PHTF2: variants seen among roughly 807,000 people sequenced by gnomAD.
The protein encoded by PHTF2 is protein PHTF2.
A neutral mutation model predicts 101.2 loss-of-function variants in PHTF2; 60 were observed. The observed-to-expected ratio is 0.59, with a 90% CI of 0.48 to 0.73. The LOEUF (loss-of-function observed/expected upper bound fraction) is 0.73, where lower values mean the gene tolerates loss of function less well. Ranked by LOEUF, PHTF2 falls within the 30% of genes least tolerant of loss-of-function variation. PHTF2 has a pLI of 0.00. For synonymous variants in PHTF2, 311 were observed against 307.3 expected (o/e 1.01, Z -0.13); for missense variants, 747 against 908.7 (o/e 0.82, Z 2.29).
At chr7:77,831,288 G>T (rs1004718089) in intron 1 of PHTF2, among the ~76,000 whole-genome samples, 2 of 152,270 alleles carry the variant, frequency 1.3e-5, no homozygotes, top group African/African-American at 4.8e-5. Flanking sequence ...ACTTCATCAA[G>T]TGTGTCTGCA....
At chr7:77,913,891 C>T (rs1429502611) in intron 9 of PHTF2, among the ~76,000 whole-genome samples, 2 of 151,860 alleles carry the variant, frequency 1.3e-5, no homozygotes, top group East Asian at 1.9e-4. Flanking sequence ...CTCTAAATCA[C>T]CAGGTCAAAT....
chr7:77,916,257 C>G (rs1049989687), intron 9 of PHTF2, among the ~76,000 whole-genome samples: 2 of 152,280 alleles, frequency 1.3e-5, no homozygotes, highest in East Asian at 3.9e-4. Flanking sequence ...ATAAGTCTCT[C>G]ATCCCCACTG....
intron 1 of PHTF2, among the ~76,000 whole-genome samples, chr7:77,828,178 A>G (rs1794828434): frequency 6.6e-6 from 1 of 152,336 alleles, no homozygotes; most frequent in African/African-American, 2.4e-5. Context: ...GTTGGTGGTA[A>G]AACTTTCCTG....
In PHTF2 at chr7:77,940,678, A is replaced by G. The variant is rs745867133; in HGVS notation, c.1872+19A>G. ...TCTTAAGGTAGAATGGGAGTGATAA[A>G]AGTAGCTTTAACATGCTGGCCCTTT... On this transcript the variant is annotated intron_variant, in intron 15 of 19. Coordinates refer to ENST00000416283, the Ensembl canonical transcript of PHTF2. The G allele has an allele frequency of 6.4e-7, 1 of 1,562,100 alleles. No individual in the cohort carries two copies. Among genetic ancestry groups the G allele is most frequent in the South Asian group, 1.2e-5 (1 of 84,688 alleles).
chr7:77,889,129 C>G (rs1323772052), intron 3 of PHTF2, among the ~76,000 whole-genome samples: 1 of 152,188 alleles, frequency 6.6e-6, no homozygotes, highest in Non-Finnish European at 1.5e-5. Flanking sequence ...TGGTTATTCT[C>G]TTTCCTAGTC....
At chr7:77,904,514 A>T (rs1165374332) in intron 7 of PHTF2, among the ~76,000 whole-genome samples, 1 of 152,140 alleles carries the variant, frequency 6.6e-6, no homozygotes, top group African/African-American at 2.4e-5. Flanking sequence ...TTTTTTCACC[A>T]TTCTGAGGGG....
intron 1 of PHTF2, among the ~76,000 whole-genome samples, chr7:77,807,318 C>T (rs1307480097): frequency 1.3e-5 from 2 of 151,560 alleles, no homozygotes; most frequent in African/African-American, 2.4e-5. Context: ...ACAGTTGCAC[C>T]AACAGTGCAC....
chr7:77,898,259 G>T (rs529438672), intron 5 of PHTF2, among the ~76,000 whole-genome samples: 1 of 152,016 alleles, frequency 6.6e-6, no homozygotes, highest in Non-Finnish European at 1.5e-5. Flanking sequence ...AAAATTTTAG[G>T]TATACAGCAA....
chr7:77,806,365 TTA>T (rs1292572439), intron 1 of PHTF2, among the ~76,000 whole-genome samples: 5 of 152,222 alleles, frequency 3.3e-5, no homozygotes, highest in Non-Finnish European at 4.4e-5. Context: ...GCATGCATAT[TTA>T]TGATTGTTAT....
At chr7:77,956,250 T>G (rs1458845386) in exon 20 of PHTF2, 3 of 152,550 alleles carry the variant, frequency 2.0e-5, no homozygotes, top group Admixed American at 2.0e-4. Context: ...ATCCTCATAT[T>G]TTTACCATAT....
intron 3 of PHTF2, among the ~76,000 whole-genome samples, chr7:77,884,207 C>T (rs764999004): frequency 7.9e-5 from 12 of 152,120 alleles, no homozygotes; most frequent in Non-Finnish European, 1.6e-4. Context: ...CTTGTTTTCT[C>T]TGAGAATTTG....
At chr7:77,877,779 C>A (rs1234124394) in intron 3 of PHTF2, among the ~76,000 whole-genome samples, 2 of 152,254 alleles carry the variant, frequency 1.3e-5, no homozygotes, top group Non-Finnish European at 2.9e-5. Context: ...GTGTAGGGCC[C>A]CTTAGCATCA....
chr7:77,903,177 C>A (rs568362351), intron 7 of PHTF2, among the ~76,000 whole-genome samples: 2 of 152,090 alleles, frequency 1.3e-5, no homozygotes, highest in South Asian at 4.2e-4. Flanking sequence ...CAATATTGGG[C>A]AGTTAAGCTG....
At chr7:77,909,050 C>T (rs1802121528) in intron 8 of PHTF2, 92 bp downstream of exon 7, 1 of 720,682 alleles carries the variant, frequency 1.4e-6, no homozygotes, top group Non-Finnish European at 2.1e-6. Context: ...AGACTAAAAT[C>T]TTATCTTGTA....
chr7:77,947,660 G>A (rs1312420055), intron 16 of PHTF2, among the ~76,000 whole-genome samples: 2 of 151,948 alleles, frequency 1.3e-5, no homozygotes, highest in Non-Finnish European at 2.9e-5. Flanking sequence ...TGGGGGAATT[G>A]TTGGAATCCC....
chr7:77,908,366 C>G (rs1462625749), intron 7 of PHTF2, among the ~76,000 whole-genome samples: 1 of 152,152 alleles, frequency 6.6e-6, no homozygotes, highest in Non-Finnish European at 1.5e-5. Context: ...GTTATTAATT[C>G]TAAGGAGATA....
At chr7:77,904,361 T>A (rs964584917) in intron 7 of PHTF2, among the ~76,000 whole-genome samples, 1 of 152,252 alleles carries the variant, frequency 6.6e-6, no homozygotes. Context: ...ATCACTTTCT[T>A]GAAGAATCCT....
chr7:77,807,355 A>C (rs1485597401), intron 1 of PHTF2, among the ~76,000 whole-genome samples: 1 of 150,620 alleles, frequency 6.6e-6, no homozygotes, highest in Non-Finnish European at 1.5e-5. Context: ...CCACATCTTC[A>C]TCAATATTTA....
chr7:77,920,148 A>C, intron 9 of PHTF2, 131 bp from the exon 9 acceptor site: 1 of 572,950 alleles, frequency 1.7e-6, no homozygotes, highest in Non-Finnish European at 3.0e-6. Context: ...AAATTATTAT[A>C]CAAATAGGGT....
Sources: gnomAD v4.1 joint callset for allele counts (sites outside exome capture counted in the v4.1 genomes callset) on GRCh38, gnomAD v4.1.1 for gene constraint, MANE v1.5 for transcripts, NCBI Gene and HGNC (gene_info 2026-07-23, HGNC 2026-07-21) for gene names.